Variants in GTF2F2 observed in about 807,000 individuals in gnomAD.
GTF2F2 encodes ATP-dependent helicase GTF2F2.
A neutral mutation model predicts 42.2 loss-of-function variants in GTF2F2; 23 were observed. The ratio of observed to expected loss-of-function variants is 0.55; its 90% CI spans 0.39 to 0.77. The LOEUF is 0.77. Ranked by LOEUF, GTF2F2 falls within the 30% of genes least tolerant of loss-of-function variation. The pLI is 0.00. For synonymous variants in GTF2F2, 105 were observed against 100.8 expected (o/e 1.04, Z -0.25); for missense variants, 261 against 287.2 (o/e 0.91, Z 0.66).
intron 4 of GTF2F2, chr13:45,194,312 AGAG>A (rs772117077): frequency 6.2e-7 from 1 of 1,614,194 alleles, no homozygotes; most frequent in Non-Finnish European, 8.5e-7. Flanking sequence ...ACATGCCTGA[AGAG>A]GAGACCATCC....
intron 5 of GTF2F2, among the ~76,000 whole-genome samples, chr13:45,239,792 A>G (rs1875187123): frequency 6.6e-6 from 1 of 152,246 alleles, no homozygotes; most frequent in South Asian, 2.1e-4. Flanking sequence ...TTGGGATAGT[A>G]TATATTTAAT....
chr13:45,131,819 C>G (rs1243745596), intron 1 of GTF2F2, among the ~76,000 whole-genome samples: 1 of 143,164 alleles, frequency 7.0e-6, no homozygotes, highest in Non-Finnish European at 1.5e-5. Flanking sequence ...GTGGGAGTAT[C>G]GTTGGAGCCC....
In GTF2F2 at chr13:45,245,666, AATATATATATATAT is replaced by A. The variant is rs372488927; in HGVS notation, c.387-7183_387-7170del. Among the ~76,000 whole-genome samples, 12 of 110,864 alleles carry A rather than the reference AATATATATATATAT, an allele frequency of 1.1e-4. No homozygotes were observed. The South Asian group carries it at 1.1e-3, about 10-fold the overall frequency. The allele number at this position is 110,864 out of a possible 152,430, so 72.7% of individuals were successfully genotyped here. A position where few individuals can be genotyped will look rare whatever the true frequency, so the allele number is the denominator to read the frequency against. The stretch of plus-strand genomic sequence containing the variant: ...TGGCTGAGTAGTATTCCATGGTGTG[AATATATATATATAT>A]ATATATATATATATATATATACATA... On this transcript the variant is annotated intron_variant, in intron 5 of 7. Transcript: ENST00000340473.
At chr13:45,169,849 G>C (rs1452707458) in intron 4 of GTF2F2, among the ~76,000 whole-genome samples, 1 of 151,968 alleles carries the variant, frequency 6.6e-6, no homozygotes, top group Admixed American at 6.6e-5. Context: ...TTTAAATATA[G>C]ATTACTATTT....
At position 45,161,934 on chromosome 13, in the gene GTF2F2, GTATT is replaced by G. The variant is rs200988221; in HGVS notation, c.304+10108_304+10111del. On this transcript the variant is annotated intron_variant, in intron 4 of 7. Transcript: ENST00000340473. Reference sequence around the variant, plus strand: ...TTTTAGGTATAGTTTACACTTTTAGGTATTTATTCCACTTCTGTTGGTGGATAAC... The same window carrying G: ...TTTTAGGTATAGTTTACACTTTTAGGTATTCCACTTCTGTTGGTGGATAAC... Among the ~76,000 whole-genome samples the G allele has an allele frequency of 6.9e-3, 1,048 of 152,132 alleles. 12 individuals are homozygous for G. Among genetic ancestry groups the G allele is most frequent in the African/African-American group, 0.024 (983 of 41,484 alleles).
At chr13:45,183,658 A>G (rs981766186) in intron 4 of GTF2F2, among the ~76,000 whole-genome samples, 10 of 152,104 alleles carry the variant, frequency 6.6e-5, no homozygotes, top group Admixed American at 4.6e-4. Context: ...AAAGAAGGGA[A>G]TGGATACAGG....
At chr13:45,134,269 T>C (rs1869505028) in intron 1 of GTF2F2, among the ~76,000 whole-genome samples, 1 of 152,118 alleles carries the variant, frequency 6.6e-6, no homozygotes. Flanking sequence ...CTGGGCACAG[T>C]GATAGGTCCA....
intron 4 of GTF2F2, among the ~76,000 whole-genome samples, chr13:45,166,229 G>T (rs1194103541): frequency 6.6e-6 from 1 of 152,082 alleles, no homozygotes; most frequent in Non-Finnish European, 1.5e-5. Flanking sequence ...TAGTCACTGG[G>T]AACTATGTGA....
intron 2 of GTF2F2, among the ~76,000 whole-genome samples, chr13:45,139,991 A>G (rs972143064): frequency 2.0e-5 from 3 of 152,226 alleles, no homozygotes; most frequent in Non-Finnish European, 4.4e-5. Context: ...TCTCTAGATT[A>G]CTTATAACTA....
chr13:45,205,850 C>A (rs186055631), intron 4 of GTF2F2, among the ~76,000 whole-genome samples: 1 of 152,174 alleles, frequency 6.6e-6, no homozygotes. Context: ...TAATTGTCTT[C>A]CTTTATTGGA....
intron 7 of GTF2F2, among the ~76,000 whole-genome samples, chr13:45,280,400 G>A (rs927926022): frequency 2.6e-5 from 4 of 152,022 alleles, no homozygotes; most frequent in African/African-American, 7.3e-5. Context: ...TTTCCCTATC[G>A]TCACTACTAC....
chr13:45,215,929 A>C (rs1406160438), intron 5 of GTF2F2, among the ~76,000 whole-genome samples: 2 of 152,160 alleles, frequency 1.3e-5, no homozygotes, highest in African/African-American at 4.8e-5. Flanking sequence ...AAGGACTTCC[A>C]AATGGTTGTA....
Position 45,125,573 on chromosome 13 carries a change from C to T in GTF2F2, c.66+4852C>T, listed in dbSNP as rs193212369. Reference sequence around the variant, plus strand: ...GACCTCGTTCGTGATCTGCCCGTCTCGGCCTTCCAAAGTACTGGGATTACC... The same window carrying T: ...GACCTCGTTCGTGATCTGCCCGTCTTGGCCTTCCAAAGTACTGGGATTACC... On this transcript the variant is annotated intron_variant, in intron 1 of 7. Transcript: ENST00000340473. Among the ~76,000 whole-genome samples, 65 of 152,210 alleles carry T rather than the reference C, an allele frequency of 4.3e-4. 1 individual carries two copies. Among genetic ancestry groups the T allele is most frequent in the Middle Eastern group, 6.8e-3 (2 of 294 alleles).
At chr13:45,279,886 C>T (rs940322572) in intron 7 of GTF2F2, among the ~76,000 whole-genome samples, 3 of 151,990 alleles carry the variant, frequency 2.0e-5, no homozygotes, top group East Asian at 1.9e-4. Context: ...GCCTGGGCAA[C>T]GAGAGTGAAA....
At chr13:45,173,818 G>A (rs531553511) in intron 4 of GTF2F2, among the ~76,000 whole-genome samples, 22 of 151,396 alleles carry the variant, frequency 1.5e-4, no homozygotes, top group African/African-American at 5.1e-4. Context: ...GGGGTTTCAC[G>A]GTGTTAGCCA....
chr13:45,248,493 GA>G (rs1875743647), intron 5 of GTF2F2, among the ~76,000 whole-genome samples: 1 of 151,520 alleles, frequency 6.6e-6, no homozygotes, highest in African/African-American at 2.4e-5. Context: ...TTGTTTTTGA[GA>G]CGGAGTTTCG....
At chr13:45,154,709 C>T (rs1249243846) in intron 4 of GTF2F2, among the ~76,000 whole-genome samples, 1 of 152,072 alleles carries the variant, frequency 6.6e-6, no homozygotes, top group East Asian at 1.9e-4. Context: ...TACATTTAAA[C>T]ACTTAGAACA....
intron 4 of GTF2F2, among the ~76,000 whole-genome samples, chr13:45,196,202 A>G (rs1872883166): frequency 6.6e-6 from 1 of 152,226 alleles, no homozygotes; most frequent in Non-Finnish European, 1.5e-5. Context: ...ACTAAGGCAT[A>G]ATGTTTTTAG....
intron 6 of GTF2F2, among the ~76,000 whole-genome samples, chr13:45,258,885 C>A (rs978892329): frequency 6.6e-6 from 1 of 152,136 alleles, no homozygotes; most frequent in Non-Finnish European, 1.5e-5. Context: ...TCAGCTGATG[C>A]GTAAGGTTCT....
Sources: gnomAD v4.1 joint callset for allele counts (sites outside exome capture counted in the v4.1 genomes callset) on GRCh38, gnomAD v4.1.1 for gene constraint, MANE v1.5 for transcripts, NCBI Gene and HGNC (gene_info 2026-07-23, HGNC 2026-07-21) for gene names.